The following PTPRD variants were observed in gnomAD, a reference collection of about 807,000 sequenced individuals.
PTPRD encodes protein tyrosine phosphatase receptor type D.
In PTPRD, 34 loss-of-function variants were observed where a neutral mutation model predicts 214.5. The observed-to-expected ratio is 0.16, with a 90% confidence interval of 0.12 to 0.21. The LOEUF (loss-of-function observed/expected upper bound fraction) is 0.21, where lower values mean the gene tolerates loss of function less well. Among genes scored for constraint, PTPRD ranks in the 10% least tolerant of loss-of-function variants. The probability of loss-of-function intolerance (pLI) is 1.00; values close to 1 mark genes in which losing one functional copy is unlikely to be tolerated. For missense variants in PTPRD, 2,545 were observed against 2,398.7 expected (o/e 1.06, Z -1.27); for synonymous variants, 1,128 against 845.7 (o/e 1.33, Z -5.79).
chr9:8,389,225 T>C lies in PTPRD; in HGVS notation c.4386+7A>G, dbSNP rs1293812978. 2.5e-6 allele frequency: 4 copies of C among 1,603,652 alleles called. No homozygotes were observed. Among genetic ancestry groups the C allele is most frequent in the Non-Finnish European group, 3.4e-6 (4 of 1,175,388 alleles). ...TTAAAAGGAAAGAGGTGGATACTTA[T>C]TCTTACCCTTGATCTTTCTTCTAGT... On this transcript the variant is annotated splice_region_variant and intron_variant, in intron 37 of 45. Coordinates refer to ENST00000381196, the MANE Select transcript of PTPRD (RefSeq NM_002839.4).
intron 7 of PTPRD, among the ~76,000 whole-genome samples, chr9:9,599,164 A>C (rs916720511): frequency 6.6e-6 from 1 of 152,060 alleles, no homozygotes; most frequent in Non-Finnish European, 1.5e-5. Context: ...ATCCAATAAA[A>C]GGTGACATTA....
At chr9:8,855,020 T>C (rs1209571262) in intron 11 of PTPRD, among the ~76,000 whole-genome samples, 2 of 152,170 alleles carry the variant, frequency 1.3e-5, no homozygotes, top group African/African-American at 4.8e-5. Flanking sequence ...AGAGAAGCCC[T>C]AAATAAAATT....
intron 8 of PTPRD, among the ~76,000 whole-genome samples, chr9:9,465,910 ATTG>A (rs1260440381): frequency 2.0e-5 from 3 of 151,856 alleles, no homozygotes; most frequent in Non-Finnish European, 2.9e-5. Context: ...GGCCACAACC[ATTG>A]CAATACATAT....
chr9:8,539,650 C>G (rs1473515790), intron 14 of PTPRD, among the ~76,000 whole-genome samples: 1 of 151,978 alleles, frequency 6.6e-6, no homozygotes, highest in African/African-American at 2.4e-5. Context: ...TATAACATCA[C>G]TTCCACAATA....
At chr9:9,079,900 G>T (rs147595848) in intron 10 of PTPRD, among the ~76,000 whole-genome samples, 112 of 152,158 alleles carry the variant, frequency 7.4e-4, no homozygotes, top group Non-Finnish European at 1.1e-3. Context: ...ATGATGTGTT[G>T]CTGGAATAAG....
At chr9:8,659,787 G>T (rs2096994354) in intron 12 of PTPRD, among the ~76,000 whole-genome samples, 1 of 152,126 alleles carries the variant, frequency 6.6e-6, no homozygotes, top group East Asian at 1.9e-4. Flanking sequence ...TTCTACCTAT[G>T]GTTTTAGATG....
chr9:9,362,150 A>G (rs1004353781), intron 9 of PTPRD, among the ~76,000 whole-genome samples: 1 of 151,118 alleles, frequency 6.6e-6, no homozygotes, highest in Admixed American at 6.6e-5. Context: ...AGTCAGTAAC[A>G]CAGGGAGGGC....
intron 7 of PTPRD, among the ~76,000 whole-genome samples, chr9:9,729,936 T>C (rs986970958): frequency 6.6e-6 from 1 of 152,144 alleles, no homozygotes; most frequent in African/African-American, 2.4e-5. Context: ...AGCATTATCA[T>C]ATACTATATG....
chr9:9,644,073 C>G (rs1387373342), intron 7 of PTPRD, among the ~76,000 whole-genome samples: 2 of 151,952 alleles, frequency 1.3e-5, no homozygotes, highest in Non-Finnish European at 2.9e-5. Context: ...AGTTTTTTTT[C>G]TGTACAACTA....
chr9:10,055,243 T>C (rs1008742974), intron 3 of PTPRD, among the ~76,000 whole-genome samples: 5 of 152,186 alleles, frequency 3.3e-5, no homozygotes, highest in African/African-American at 7.2e-5. Context: ...TTGCCTGCTT[T>C]ACTGGTCTGG....
At chr9:8,591,068 G>A (rs986021503) in intron 14 of PTPRD, among the ~76,000 whole-genome samples, 3 of 152,094 alleles carry the variant, frequency 2.0e-5, no homozygotes, top group African/African-American at 7.2e-5. Flanking sequence ...AAGGCCAGCT[G>A]AGTCTTTCTC....
At position 9,674,708 on chromosome 9, in the gene PTPRD, G is replaced by C. The variant is rs930672915; in HGVS notation, c.-287+59825C>G. Among the ~76,000 whole-genome samples the C allele has an allele frequency of 4.6e-5, 7 of 151,498 alleles. 1 individual carries two copies. Among genetic ancestry groups the C allele is most frequent in the Admixed American group, 4.6e-4 (7 of 15,186 alleles). On this transcript the variant is annotated intron_variant, in intron 7 of 45. Transcript: ENST00000381196. ...AGCATTTTGATAAAAAGATCGTTAGGGTAATAAAATGTCACTACATTATGA... is the reference window on the plus strand; with the variant it reads ...AGCATTTTGATAAAAAGATCGTTAGCGTAATAAAATGTCACTACATTATGA...
chr9:10,300,339 G>C (rs1418504902), intron 3 of PTPRD, among the ~76,000 whole-genome samples: 1 of 152,098 alleles, frequency 6.6e-6, no homozygotes, highest in Non-Finnish European at 1.5e-5. Context: ...GCAGCCATTT[G>C]GGCAGACACT....
chr9:10,243,113 C>A (rs191199273), intron 3 of PTPRD, among the ~76,000 whole-genome samples: 84 of 152,136 alleles, frequency 5.5e-4, no homozygotes, highest in African/African-American at 1.9e-3. Flanking sequence ...GACAATTTAA[C>A]TGATCCCTGT....
intron 4 of PTPRD, among the ~76,000 whole-genome samples, chr9:9,970,436 A>C (rs1159101789): frequency 7.1e-6 from 1 of 140,854 alleles, no homozygotes. Context: ...TCTCAAAAAA[A>C]AAAAAAAGAA....
intron 7 of PTPRD, among the ~76,000 whole-genome samples, chr9:9,672,236 A>G (rs1294404189): frequency 6.6e-6 from 1 of 152,170 alleles, no homozygotes; most frequent in African/African-American, 2.4e-5. Flanking sequence ...AAAACAGTAA[A>G]TTTTTAGCAA....
At chr9:9,910,276 G>T (rs973926167) in intron 5 of PTPRD, among the ~76,000 whole-genome samples, 1 of 151,964 alleles carries the variant, frequency 6.6e-6, no homozygotes, top group Admixed American at 6.6e-5. Context: ...ACATAAAATA[G>T]ACATAGTTTA....
intron 3 of PTPRD, among the ~76,000 whole-genome samples, chr9:10,308,787 G>A (rs10756024): frequency 0.28 from 41,908 of 151,694 alleles, 7,027 homozygotes; most frequent in African/African-American, 0.48. Flanking sequence ...CAAGCAGTTC[G>A]TTTCTATCAT....
chr9:10,470,062 A>G (rs920859629), intron 2 of PTPRD, among the ~76,000 whole-genome samples: 1 of 152,090 alleles, frequency 6.6e-6, no homozygotes, highest in Non-Finnish European at 1.5e-5. Context: ...TGGTACCAAA[A>G]TAGGGGGCTT....
Sources: gnomAD v4.1 joint callset for allele counts (sites outside exome capture counted in the v4.1 genomes callset) on GRCh38, gnomAD v4.1.1 for gene constraint, MANE v1.5 for transcripts, NCBI Gene and HGNC (gene_info 2026-07-23, HGNC 2026-07-21) for gene names.